Variants in LRFN5 observed in about 807,000 individuals in gnomAD.
LRFN5 encodes the protein leucine rich repeat and fibronectin type III domain containing 5, also known as leucine-rich repeat and fibronectin type-III domain-containing protein 5.
A neutral mutation model predicts 45.6 loss-of-function variants in LRFN5; 24 were observed. The observed-to-expected ratio is 0.53, with a 90% CI of 0.38 to 0.74. The LOEUF (loss-of-function observed/expected upper bound fraction) is 0.74, where lower values mean the gene tolerates loss of function less well. Ranked by LOEUF, LRFN5 falls within the 30% of genes least tolerant of loss-of-function variation. LRFN5 has a pLI of 0.00. For missense variants in LRFN5, 776 were observed against 861.5 expected (o/e 0.90, Z 1.24); for synonymous variants, 340 against 313.8 (o/e 1.08, Z -0.88).
chr14:41,816,561 GT>G (rs1887925904), intron 2 of LRFN5, among the ~76,000 whole-genome samples: 2 of 146,768 alleles, frequency 1.4e-5, no homozygotes, highest in Admixed American at 6.7e-5. Flanking sequence ...AGTATTCTAT[GT>G]TTTTTTCTTT....
At chr14:41,835,667 A>C (rs1594451399) in intron 2 of LRFN5, among the ~76,000 whole-genome samples, 1 of 152,200 alleles carries the variant, frequency 6.6e-6, no homozygotes. Context: ...TCGAGGCTGC[A>C]GTAAACCACG....
chr14:41,720,123 C>G (rs544205723), intron 1 of LRFN5, among the ~76,000 whole-genome samples: 2 of 152,028 alleles, frequency 1.3e-5, no homozygotes, highest in Non-Finnish European at 2.9e-5. Flanking sequence ...TCATCCATCC[C>G]TTTCATTCTA....
In LRFN5 at chr14:41,904,379, T is replaced by A. The variant is rs1891193018; in HGVS notation, c.*204T>A. On this transcript the variant is annotated 3_prime_UTR_variant, in exon 6 of 6. Transcript: ENST00000298119. The stretch of plus-strand genomic sequence containing the variant: ...TGGTTCATCCTCTTTTAAAACCAAA[T>A]TTTTTTTTCTTCTGGCCTACAAGTA... 6 of 486,214 alleles carry A rather than the reference T, an allele frequency of 1.2e-5. No individual in the cohort carries two copies. Among genetic ancestry groups the A allele is most frequent in the Non-Finnish European group, 2.1e-5 (6 of 283,710 alleles). The allele number at this position is 486,214 out of a possible 1,614,324, so 30.1% of individuals were successfully genotyped here.
intron 2 of LRFN5, among the ~76,000 whole-genome samples, chr14:41,791,304 T>G (rs1253303299): frequency 6.6e-6 from 1 of 152,002 alleles, no homozygotes; most frequent in Non-Finnish European, 1.5e-5. Context: ...TGATAAAAGA[T>G]CTGCTATGTA....
chr14:41,632,160 AGGAAAAAAAAAACG>A (rs1162193869), intron 1 of LRFN5, among the ~76,000 whole-genome samples: 1 of 151,738 alleles, frequency 6.6e-6, no homozygotes, highest in Non-Finnish European at 1.5e-5. Context: ...AGAAGTCACA[AGGAAAAAAAAAACG>A]TAGCATTTCG....
chr14:41,633,692 T>C (rs1289524273), intron 1 of LRFN5, among the ~76,000 whole-genome samples: 3 of 152,178 alleles, frequency 2.0e-5, no homozygotes, highest in Non-Finnish European at 4.4e-5. Context: ...AATTACATTT[T>C]TAAAAACATC....
intron 1 of LRFN5, among the ~76,000 whole-genome samples, chr14:41,670,131 A>G (rs558456357): frequency 9.6e-4 from 90 of 93,750 alleles, no homozygotes; most frequent in Admixed American, 1.5e-3. Context: ...ATACATGTAT[A>G]TATACATTCT....
intron 1 of LRFN5, among the ~76,000 whole-genome samples, chr14:41,673,102 C>T (rs141342919): frequency 0.039 from 5,984 of 152,086 alleles, 368 homozygotes; most frequent in East Asian, 0.27. Flanking sequence ...TGAAAAGTCT[C>T]CCATGTCTAC....
chr14:41,825,461 C>A (rs1416696585), intron 2 of LRFN5, among the ~76,000 whole-genome samples: 2 of 152,170 alleles, frequency 1.3e-5, no homozygotes, highest in Non-Finnish European at 2.9e-5. Flanking sequence ...GGAGAACATG[C>A]ATTCTGGATT....
intron 1 of LRFN5, among the ~76,000 whole-genome samples, chr14:41,668,559 A>T (rs1172382142): frequency 6.6e-6 from 1 of 152,164 alleles, no homozygotes; most frequent in Non-Finnish European, 1.5e-5. Context: ...GCAGTTTCAA[A>T]CAACATCTGC....
Position 41,650,958 on chromosome 14 carries a change from G to A in LRFN5, c.-197+42396G>A, listed in dbSNP as rs375579902. 7.9e-5 allele frequency among the ~76,000 whole-genome samples: 12 copies of A among 151,644 alleles called. No individual in the cohort carries two copies. In the South Asian group the frequency reaches 2.5e-3, roughly 32 times the overall value. ...GGGAGAGGAATATGGCGTTTATGCA[G>A]TGACTAAAAGATACATACCAAAATC... On this transcript the variant is annotated intron_variant, in intron 1 of 5. Transcript: ENST00000298119.
intron 1 of LRFN5, among the ~76,000 whole-genome samples, chr14:41,714,183 G>A (rs1471618739): frequency 6.6e-6 from 1 of 152,122 alleles, no homozygotes; most frequent in East Asian, 1.9e-4. Flanking sequence ...ACTTTAAGTG[G>A]ATGGGATATG....
chr14:41,675,157 G>A (rs1411010653), intron 1 of LRFN5, among the ~76,000 whole-genome samples: 29 of 151,376 alleles, frequency 1.9e-4, no homozygotes, highest in Middle Eastern at 3.5e-3. Context: ...CGTCCCAGAC[G>A]ATGGGCAGCC....
chr14:41,790,679 CTTTA>C (rs949704438), intron 2 of LRFN5, among the ~76,000 whole-genome samples: 13 of 150,768 alleles, frequency 8.6e-5, no homozygotes, highest in African/African-American at 3.2e-4. Context: ...TAAAAAAGAA[CTTTA>C]TTTATCAGTC....
Position 41,784,147 on chromosome 14 carries a change from T to A in LRFN5, c.-21+17118T>A, listed in dbSNP as rs181805736. 2.2e-3 allele frequency among the ~76,000 whole-genome samples: 338 copies of A among 152,260 alleles called. 1 individual carries two copies. Among genetic ancestry groups the A allele is most frequent in the African/African-American group, 7.6e-3 (315 of 41,574 alleles). ...ACTGCTATGCTCCACCACTTTTATT[T>A]AAAATTATTTATATTAGATACTTGA... On this transcript the variant is annotated intron_variant, in intron 2 of 5. Transcript: ENST00000298119.
At position 41,791,463 on chromosome 14, in the gene LRFN5, A is replaced by C. The variant is rs142821502; in HGVS notation, c.-21+24434A>C. Among the ~76,000 whole-genome samples, 100 of 152,166 alleles carry C rather than the reference A, an allele frequency of 6.6e-4. 3 individuals carry two copies. The East Asian group carries it at 0.013, about 20-fold the overall frequency. ...AAATAAAGTAAGATTAATAGGCAGT[A>C]ATAGGTAACAATGACTCAACTTTTT... On this transcript the variant is annotated intron_variant, in intron 2 of 5. Coordinates refer to ENST00000298119, the MANE Select transcript of LRFN5 (RefSeq NM_152447.5).
intron 1 of LRFN5, among the ~76,000 whole-genome samples, chr14:41,704,408 T>TTCTCTCTCTCTCTC (rs141458106): frequency 2.9e-5 from 3 of 102,266 alleles, no homozygotes; most frequent in African/African-American, 1.3e-4. Flanking sequence ...TGTTATACTT[T>TTCTCTCTCTCTCTC]TCTCTCTCTC....
rs191186171 is a variant in LRFN5, at chr14:41,649,972, G to A, written c.-197+41410G>A. 2.0e-5 allele frequency among the ~76,000 whole-genome samples: 3 copies of A among 152,210 alleles called. No homozygotes were observed. In the East Asian group the frequency reaches 5.8e-4, roughly 29 times the overall value. The stretch of plus-strand genomic sequence containing the variant: ...TAGAATATATGTATTTTTAACATTT[G>A]TAGTGCTCAAAGGCAATAATAATTA... On this transcript the variant is annotated intron_variant, in intron 1 of 5. Transcript: ENST00000298119.
At chr14:41,652,368 A>T (rs1259633916) in intron 1 of LRFN5, among the ~76,000 whole-genome samples, 1 of 152,134 alleles carries the variant, frequency 6.6e-6, no homozygotes, top group South Asian at 2.1e-4. Context: ...TGTTAAATCA[A>T]TAAGTCAGTT....
Sources: allele counts gnomAD v4.1 joint callset (sites outside exome capture counted in the v4.1 genomes callset), GRCh38; gene constraint gnomAD v4.1.1; transcripts MANE v1.5; gene names NCBI Gene and HGNC (gene_info 2026-07-23, HGNC 2026-07-21).